CDH11: variants seen among roughly 807,000 people sequenced by gnomAD.
CDH11 encodes the protein cadherin-11.
A neutral mutation model predicts 67.8 loss-of-function variants in CDH11; 11 were observed. The ratio of observed to expected loss-of-function variants is 0.16; its 90% CI spans 0.10 to 0.27. The LOEUF is 0.27. Among genes scored for constraint, CDH11 ranks in the 10% least tolerant of loss-of-function variants. CDH11 has a pLI of 1.00. For synonymous variants in CDH11, 419 were observed against 400.0 expected, an observed-to-expected ratio of 1.05 and a Z score of -0.57; for missense variants, 847 against 1,031.2, an observed-to-expected ratio of 0.82 and a Z score of 2.45.
intron 8 of CDH11, among the ~76,000 whole-genome samples, chr16:64,974,296 T>G (rs1241840067): frequency 6.6e-6 from 1 of 152,130 alleles, no homozygotes; most frequent in Non-Finnish European, 1.5e-5. Context: ...AAGTGTGTGG[T>G]TTTCTGCTCT....
intron 2 of CDH11, among the ~76,000 whole-genome samples, chr16:65,024,393 C>G: frequency 6.6e-6 from 1 of 152,220 alleles, no homozygotes; most frequent in East Asian, 1.9e-4. Context: ...ATTACCCAGG[C>G]CTTACTCTAA....
At chr16:65,009,632 G>A (rs2073135338) in intron 2 of CDH11, among the ~76,000 whole-genome samples, 1 of 152,154 alleles carries the variant, frequency 6.6e-6, no homozygotes, top group Non-Finnish European at 1.5e-5. Context: ...ATATATCAAT[G>A]TTCTAATTGG....
intron 11 of CDH11, among the ~76,000 whole-genome samples, chr16:64,971,071 A>C (rs2071990647): frequency 6.6e-6 from 1 of 152,228 alleles, no homozygotes; most frequent in African/African-American, 2.4e-5. Flanking sequence ...TAATGGACAA[A>C]CAATGCTTTG....
chr16:65,087,208 A>G (rs2074716619), intron 1 of CDH11, among the ~76,000 whole-genome samples: 1 of 152,204 alleles, frequency 6.6e-6, no homozygotes, highest in African/African-American at 2.4e-5. Context: ...GAGCCTGAGC[A>G]ATTTCAACAT....
chr16:65,102,773 T>C (rs2075013695), intron 1 of CDH11, among the ~76,000 whole-genome samples: 1 of 152,116 alleles, frequency 6.6e-6, no homozygotes, highest in African/African-American at 2.4e-5. Flanking sequence ...AGATAAGAAA[T>C]ACCCTATTCT....
In CDH11 at chr16:64,950,936, G is replaced by A. The variant is rs2071345000; in HGVS notation, c.1725C>T (p.Ser575=). Residue 575 remains serine, a synonymous_variant, in exon 12 of 13, where the codon AGC becomes AGT. Coordinates refer to ENST00000268603, the MANE Select transcript of CDH11 (RefSeq NM_001797.4). The part of the protein sequence containing the change: ...QDLYLLPIVI[S]DGGIPPMSST... ...TACTCATGGGCGGGATGCCGCCATC[G>A]CTGATCACTATGGGCAGAAGGTACA... The A allele has an allele frequency of 6.2e-7, 1 of 1,614,052 alleles. No individual in the cohort carries two copies. Among genetic ancestry groups the A allele is most frequent in the Non-Finnish European group, 8.5e-7 (1 of 1,180,040 alleles).
intron 4 of CDH11, among the ~76,000 whole-genome samples, chr16:64,997,865 C>T (rs1023011823): frequency 6.6e-6 from 1 of 152,154 alleles, no homozygotes; most frequent in African/African-American, 2.4e-5. Context: ...TTTAAGCAGA[C>T]TCACTCCCTG....
At chr16:64,973,783 G>A (rs2072079154) in intron 8 of CDH11, among the ~76,000 whole-genome samples, 2 of 152,048 alleles carry the variant, frequency 1.3e-5, no homozygotes, top group Admixed American at 1.3e-4. Context: ...TCCAGCGTGG[G>A]TGACAGAGAA....
At chr16:65,011,340 G>T (rs2073180912) in intron 2 of CDH11, among the ~76,000 whole-genome samples, 1 of 151,956 alleles carries the variant, frequency 6.6e-6, no homozygotes, top group Non-Finnish European at 1.5e-5. Flanking sequence ...AAGATTGCAT[G>T]ACCAACTCCA....
Position 64,955,929 on chromosome 16 carries a change from T to C in CDH11, c.1643-4911A>G, listed in dbSNP as rs528867410. ...CCATCTTTGAGTGGGTCCCCTTGCA[T>C]TGGACATATGCATTACCAAGGTTTA... On this transcript the variant is annotated intron_variant, in intron 11 of 12. Coordinates refer to ENST00000268603, the MANE Select transcript of CDH11 (RefSeq NM_001797.4). 2.8e-4 allele frequency among the ~76,000 whole-genome samples: 43 copies of C among 152,294 alleles called. No homozygotes were observed. In the East Asian group the frequency reaches 7.7e-3, roughly 27 times the overall value.
chr16:65,047,040 G>A (rs1218383920), intron 2 of CDH11, among the ~76,000 whole-genome samples: 4 of 152,144 alleles, frequency 2.6e-5, no homozygotes, highest in Admixed American at 6.5e-5. Flanking sequence ...CTTGAACCTC[G>A]GAGACAGAAG....
intron 2 of CDH11, among the ~76,000 whole-genome samples, chr16:65,024,598 C>A (rs1247717191): frequency 6.6e-6 from 1 of 152,182 alleles, no homozygotes; most frequent in Non-Finnish European, 1.5e-5. Flanking sequence ...TTCTCCAGGG[C>A]CATTTCAATC....
Position 64,961,745 on chromosome 16 carries a change from A to T in CDH11, c.1642+9834T>A, listed in dbSNP as rs141736430. Among the ~76,000 whole-genome samples, 886 of 152,264 alleles carry T rather than the reference A, an allele frequency of 5.8e-3. 18 individuals carry two copies. The highest frequency in any genetic ancestry group is 0.02 in the African/African-American group (845 of 41,566). On this transcript the variant is annotated intron_variant, in intron 11 of 12. Coordinates refer to ENST00000268603, the MANE Select transcript of CDH11 (RefSeq NM_001797.4). ...AGAGGGTTGAAAATTAAAATTATGA[A>T]GTTAATATTAGAATATTGTATTTAT...
In CDH11 at chr16:65,118,570, A is replaced by G. The variant is rs568108096; in HGVS notation, c.-298+3310T>C. On this transcript the variant is annotated intron_variant, in intron 1 of 12. Coordinates refer to ENST00000268603, the MANE Select transcript of CDH11 (RefSeq NM_001797.4). Reference sequence around the variant, plus strand: ...AAGTGCAGAATAGGGATTCTTGACAAATTAGGTAACTTTTTATGAAACAGC... The same window carrying G: ...AAGTGCAGAATAGGGATTCTTGACAGATTAGGTAACTTTTTATGAAACAGC... 1.3e-3 allele frequency among the ~76,000 whole-genome samples: 202 copies of G among 152,334 alleles called. 2 individuals carry two copies. The highest frequency in any genetic ancestry group is 4.8e-3 in the African/African-American group (198 of 41,580).
chr16:65,001,117 G>A (rs35188), intron 3 of CDH11, among the ~76,000 whole-genome samples: 40,003 of 151,938 alleles, frequency 0.26, 6,029 homozygotes, highest in Middle Eastern at 0.36. Flanking sequence ...GATTTGCAGC[G>A]CTTCAGTGAA....
chr16:64,959,767 C>G (rs543315733), intron 11 of CDH11, among the ~76,000 whole-genome samples: 1 of 152,236 alleles, frequency 6.6e-6, no homozygotes, highest in African/African-American at 2.4e-5. Context: ...ATCTGTTTGG[C>G]TATCTTTAAA....
intron 11 of CDH11, among the ~76,000 whole-genome samples, chr16:64,952,086 C>T (rs894654376): frequency 6.6e-6 from 1 of 152,160 alleles, no homozygotes; most frequent in Admixed American, 6.5e-5. Context: ...CCAAGAATGC[C>T]ACACTCTTCT....
At chr16:64,968,449 T>C (rs35232) in intron 11 of CDH11, 782,749 of 983,700 alleles carry the variant, frequency 0.8, 315,687 homozygotes, top group East Asian at 1. Context: ...TGGGCAGACA[T>C]GCTCTTCATC....
rs2073018253 is a variant in CDH11, at chr16:65,005,044, G to T, written c.-172-3C>A. On this transcript the variant is annotated splice_region_variant and splice_polypyrimidine_tract_variant and intron_variant, in intron 2 of 12. Coordinates refer to ENST00000268603, the MANE Select transcript of CDH11 (RefSeq NM_001797.4). Reference sequence around the variant, plus strand: ...CTGCCCACGTCCCCAGTTAGCTTCTGCAAGCAGAGAGAGGTTGGATTAACT... The same window carrying T: ...CTGCCCACGTCCCCAGTTAGCTTCTTCAAGCAGAGAGAGGTTGGATTAACT... 5.2e-6 allele frequency: 7 copies of T among 1,343,224 alleles called. No homozygotes were observed. The highest frequency in any genetic ancestry group is 6.7e-6 in the Non-Finnish European group (7 of 1,049,418). 83.2% of individuals were successfully genotyped at this position (1,343,224 alleles called of 1,614,324 possible).
Sources: allele counts gnomAD v4.1 joint callset (sites outside exome capture counted in the v4.1 genomes callset), GRCh38; gene constraint gnomAD v4.1.1; transcripts MANE v1.5; gene names NCBI Gene and HGNC (gene_info 2026-07-23, HGNC 2026-07-21).